The following OAS2 variants were observed in gnomAD, a reference collection of about 807,000 sequenced individuals.
OAS2 encodes the protein 2'-5'-oligoadenylate synthetase 2, also known as 2'-5'-oligoadenylate synthase 2.
Under a neutral mutation model 71.3 loss-of-function variants are expected in OAS2, and 67 were observed. The observed-to-expected ratio is 0.94, with a 90% CI of 0.77 to 1.15. The LOEUF is 1.15. OAS2 is among the 50% of genes most tolerant of loss of function. The probability of loss-of-function intolerance (pLI) is 0.00; values close to 1 mark genes in which losing one functional copy is unlikely to be tolerated. For synonymous variants in OAS2, 327 were observed against 321.8 expected (o/e 1.02, Z -0.17); for missense variants, 789 against 822.5 (o/e 0.96, Z 0.50).
Position 112,997,672 on chromosome 12 carries a change from G to A in OAS2, c.780G>A (p.Lys260=), listed in dbSNP as rs1206094005. The stretch of plus-strand genomic sequence containing the variant: ...TGGAGCTGATCAAATGCCAGGAGAA[G>A]CTGTGTATCTATTGGATGGTCAACT... ...TVLELIKCQE[K]LCIYWMVNYN... is the part of the protein sequence containing the mutation. The change falls in exon 4 of 10, where the codon AAG becomes AAA. Residue 260 remains lysine (K), a synonymous_variant. Transcript: ENST00000392583. 18 of 1,613,932 alleles carry A rather than the reference G, an allele frequency of 1.1e-5. No homozygotes were observed. Among genetic ancestry groups the A allele is most frequent in the Non-Finnish European group, 1.5e-5 (18 of 1,179,982 alleles).
chr12:112,987,441 G>C (rs1593196751), intron 2 of OAS2, 133 bp downstream of exon 2: 1 of 1,464,866 alleles, frequency 6.8e-7, no homozygotes, highest in East Asian at 2.5e-5. Flanking sequence ...ACCCTCAGGA[G>C]AGAAGAATCC....
intron 9 of OAS2, 113 bp from the exon 10 acceptor site, chr12:113,008,974 A>T: frequency 6.6e-7 from 1 of 1,505,606 alleles, no homozygotes; most frequent in Non-Finnish European, 8.9e-7. Flanking sequence ...AGTTGCTGAC[A>T]TCTAAGCTGT....
At chr12:113,005,536 G>T (rs977818040) in intron 7 of OAS2, among the ~76,000 whole-genome samples, 5 of 150,936 alleles carry the variant, frequency 3.3e-5, no homozygotes, top group Admixed American at 3.3e-4. Context: ...AACAGAGTGA[G>T]ACTCCGTCTG....
rs7974849 is a variant in OAS2, at chr12:113,003,712, C to T, written c.1179+610C>T. 7.9e-5 allele frequency among the ~76,000 whole-genome samples: 12 copies of T among 152,316 alleles called. No individual in the cohort carries two copies. In the South Asian group the frequency reaches 8.3e-4, roughly 11 times the overall value. ...ATTCTTGTCCGTGGCTCAAAGGCCACGGGGCTGACATGTTTCTCTCTGTTT... is the reference window on the plus strand; with the variant it reads ...ATTCTTGTCCGTGGCTCAAAGGCCATGGGGCTGACATGTTTCTCTCTGTTT... On this transcript the variant is annotated intron_variant, in intron 6 of 9. Transcript: ENST00000392583.
chr12:112,995,200 C>A, intron 2 of OAS2, 96 bp from the exon 3 acceptor site: 1 of 1,093,812 alleles, frequency 9.1e-7, no homozygotes, highest in Non-Finnish European at 1.3e-6. Context: ...GAGTCGTGTG[C>A]TATCAAACTA....
chr12:112,993,223 C>A (rs2044206960), intron 2 of OAS2, among the ~76,000 whole-genome samples: 1 of 152,188 alleles, frequency 6.6e-6, no homozygotes, highest in South Asian at 2.1e-4. Context: ...TCCAATTCTG[C>A]ATCTCTTTCC....
chr12:112,987,432 C>T, intron 2 of OAS2, 124 bp downstream of exon 2: 22 of 1,472,086 alleles, frequency 1.5e-5, no homozygotes, highest in Non-Finnish European at 2.0e-5. Context: ...AGACCATAGA[C>T]CCTCAGGAGA....
chr12:113,009,015 T>C (rs950687870), intron 9 of OAS2, 72 bp from the exon 10 acceptor site: 1 of 1,556,636 alleles, frequency 6.4e-7, no homozygotes, highest in Non-Finnish European at 8.6e-7. Context: ...CTGAAAGTAT[T>C]ATAGGATGGA....
At chr12:112,993,656 G>A (rs866254661) in intron 2 of OAS2, among the ~76,000 whole-genome samples, 3 of 151,918 alleles carry the variant, frequency 2.0e-5, no homozygotes, top group Middle Eastern at 3.2e-3. Flanking sequence ...AAGGTGGGAG[G>A]ATCACTTGAG....
chr12:113,009,315 G>C lies in OAS2; in HGVS notation c.*60G>C. The C allele has an allele frequency of 6.3e-7, 1 of 1,575,260 alleles. No individual in the cohort carries two copies. Among genetic ancestry groups the C allele is most frequent in the East Asian group, 2.2e-5 (1 of 44,592 alleles). ...CTTGAATCAAAGAACTTCTCCTACTGTAGCAACCTGAAATTAACTCAGACA... is the reference window on the plus strand; with the variant it reads ...CTTGAATCAAAGAACTTCTCCTACTCTAGCAACCTGAAATTAACTCAGACA... On this transcript the variant is annotated 3_prime_UTR_variant, in exon 10 of 10. Coordinates refer to ENST00000392583, the MANE Select transcript of OAS2 (RefSeq NM_002535.3).
intron 7 of OAS2, among the ~76,000 whole-genome samples, chr12:113,005,639 G>A (rs567649481): frequency 4.6e-5 from 7 of 151,742 alleles, no homozygotes; most frequent in Non-Finnish European, 7.4e-5. Flanking sequence ...AGGCCGAGGC[G>A]GGAAGATTGC....
At chr12:113,001,397 T>TAC (rs1445820538) in intron 5 of OAS2, among the ~76,000 whole-genome samples, 2 of 149,026 alleles carry the variant, frequency 1.3e-5, no homozygotes, top group Non-Finnish European at 3.0e-5. Context: ...CACATATATA[T>TAC]ACACATATAT....
chr12:112,978,918 A>T lies in OAS2; in HGVS notation c.177+133A>T. ...GGGTGGGATGTGGTGTAGGAGTCTC[A>T]GGCTCTGGAGCAGGCGCTTGCTCCA... On this transcript the variant is annotated intron_variant, in intron 1 of 9. Transcript: ENST00000392583. The surrounding 1 kb of genome is among the most constrained non-coding windows in gnomAD (Gnocchi z 4.2). The T allele has an allele frequency of 1.2e-6, 1 of 817,906 alleles. No individual in the cohort carries two copies. Among genetic ancestry groups the T allele is most frequent in the Non-Finnish European group, 1.9e-6 (1 of 530,334 alleles). 50.7% of individuals were successfully genotyped at this position (817,906 alleles called of 1,614,324 possible). A position where few individuals can be genotyped will look rare whatever the true frequency, so the allele number is the denominator to read the frequency against.
Position 113,010,410 on chromosome 12 carries a change from C to T in OAS2, c.*1155C>T. On this transcript the variant is annotated 3_prime_UTR_variant, in exon 10 of 10. Coordinates refer to ENST00000392583, the MANE Select transcript of OAS2 (RefSeq NM_002535.3). ...ACCAGGAAGTTGTGGAGCTAGGATC[C>T]ATCCTATTGTCAATGAGATGTTCTC... 1.2e-6 allele frequency: 2 copies of T among 1,613,900 alleles called. No homozygotes were observed. Among genetic ancestry groups the T allele is most frequent in the South Asian group, 2.2e-5 (2 of 91,036 alleles).
chr12:112,993,618 G>A (rs7134135), intron 2 of OAS2, among the ~76,000 whole-genome samples: 1,699 of 150,672 alleles, frequency 0.011, 33 homozygotes, highest in East Asian at 0.068. Context: ...GCTGGCTCAC[G>A]TCTGTAATTC....
intron 1 of OAS2, among the ~76,000 whole-genome samples, chr12:112,985,325 G>A (rs2044124068): frequency 6.6e-6 from 1 of 152,086 alleles, no homozygotes; most frequent in African/African-American, 2.4e-5. Context: ...TGGCACATAG[G>A]CTTTCTTCAC....
chr12:113,010,289 TC>T lies in OAS2; in HGVS notation c.*1040del. 3 of 1,505,404 alleles carry T rather than the reference TC, an allele frequency of 2.0e-6. No individual in the cohort carries two copies. The allele number at this position is 1,505,404 out of a possible 1,614,324, so 93.3% of individuals were successfully genotyped here. ...CAATAGTTACCTTCCCAGATACAGG[TC>T]CCCCCTTTTTTCCCCTAACTCTTTT... On this transcript the variant is annotated 3_prime_UTR_variant, in exon 10 of 10. Transcript: ENST00000392583.
chr12:113,009,498 T>A lies in OAS2; in HGVS notation c.*243T>A, dbSNP rs374702523. 1.3e-4 allele frequency: 157 copies of A among 1,199,754 alleles called. 2 individuals carry two copies. Among genetic ancestry groups the A allele is most frequent in the South Asian group, 1.3e-3 (41 of 31,670 alleles). 74.3% of individuals were successfully genotyped at this position (1,199,754 alleles called of 1,614,324 possible). ...ACCCAGTAGATGCCACTAGCCCTCC[T>A]CTCCCAGTGACAACCAAAAGTCTTC... On this transcript the variant is annotated 3_prime_UTR_variant, in exon 10 of 10. Coordinates refer to ENST00000392583, the MANE Select transcript of OAS2 (RefSeq NM_002535.3).
At chr12:112,999,066 C>T (rs1263058845) in intron 5 of OAS2, among the ~76,000 whole-genome samples, 1 of 152,196 alleles carries the variant, frequency 6.6e-6, no homozygotes, top group Non-Finnish European at 1.5e-5. Context: ...AGCTGGTGAG[C>T]AGGTGGAGAC....
Sources: gnomAD v4.1 joint callset for allele counts (sites outside exome capture counted in the v4.1 genomes callset) on GRCh38, gnomAD v4.1.1 for gene constraint, Gnocchi (gnomAD v3.1) non-coding constraint, MANE v1.5 for transcripts, NCBI Gene and HGNC (gene_info 2026-07-23, HGNC 2026-07-21) for gene names.